The following PALLD variants were observed in gnomAD, a reference collection of about 807,000 sequenced individuals.
The protein encoded by PALLD is palladin.
In PALLD, 61 loss-of-function variants were observed where a neutral mutation model predicts 123.5. That is an observed-to-expected ratio of 0.49 (90% CI 0.40 to 0.61). The LOEUF (loss-of-function observed/expected upper bound fraction) is 0.61. Ranked by LOEUF, PALLD falls within the 20% of genes least tolerant of loss-of-function variation. The pLI, the probability that PALLD is intolerant of heterozygous loss-of-function variation, is 0.00. For missense variants in PALLD, 1,273 were observed against 1,377.0 expected (o/e 0.92, Z 1.20); for synonymous variants, 465 against 496.4 (o/e 0.94, Z 0.84).
chr4:168,735,562 G>A lies in PALLD; in HGVS notation c.1964+23639G>A, dbSNP rs144951074. On this transcript the variant is annotated intron_variant, in intron 10 of 21. Coordinates refer to ENST00000505667, the MANE Select transcript of PALLD (RefSeq NM_001166108.2). Reference sequence around the variant, plus strand: ...CTGAGGCAGAGTGTCAGAAAGAGATGAGAGGGATGGCAAAAACCCATTCAT... The same window carrying A: ...CTGAGGCAGAGTGTCAGAAAGAGATAAGAGGGATGGCAAAAACCCATTCAT... Among the ~76,000 whole-genome samples the A allele has an allele frequency of 8.4e-4, 128 of 152,300 alleles. 1 individual carries two copies. In the East Asian group the frequency reaches 0.019, roughly 23 times the overall value.
chr4:168,759,190 AAAAAAAAAAAAAAT>A (rs1287418531), intron 10 of PALLD, among the ~76,000 whole-genome samples: 8 of 26,440 alleles, frequency 3.0e-4, no homozygotes, highest in Admixed American at 4.0e-4. Context: ...AAAAAAAAAA[AAAAAAAAAAAAAAT>A]ATATATATAT....
At chr4:168,842,976 A>G (rs1417231905) in intron 10 of PALLD, among the ~76,000 whole-genome samples, 1 of 152,246 alleles carries the variant, frequency 6.6e-6, no homozygotes. Context: ...CCAAAAAATG[A>G]TGATAGACGG....
chr4:168,653,249 C>T (rs1361738895), intron 2 of PALLD, among the ~76,000 whole-genome samples: 3 of 152,062 alleles, frequency 2.0e-5, no homozygotes, highest in Admixed American at 6.5e-5. Flanking sequence ...ACTATTTTTA[C>T]GTCCAATTTC....
At chr4:168,578,905 C>G (rs965088928) in intron 2 of PALLD, among the ~76,000 whole-genome samples, 6 of 152,192 alleles carry the variant, frequency 3.9e-5, no homozygotes, top group African/African-American at 1.4e-4. Context: ...GAGGCTCACC[C>G]ATTAACATTT....
At chr4:168,571,106 T>A (rs1483470446) in intron 2 of PALLD, among the ~76,000 whole-genome samples, 1 of 152,160 alleles carries the variant, frequency 6.6e-6, no homozygotes, top group Non-Finnish European at 1.5e-5. Flanking sequence ...TTTAAAACCT[T>A]GCAGTCCATG....
In PALLD at chr4:168,888,005, G is replaced by C. The variant is rs114635829; in HGVS notation, c.1965-2917G>C. 2.4e-4 allele frequency among the ~76,000 whole-genome samples: 37 copies of C among 152,256 alleles called. No homozygotes were observed. In the South Asian group the frequency reaches 7.3e-3, roughly 30 times the overall value. ...ATCAGGAAAACAACTAATGGGACAA[G>C]CTTAGTCAGGGACATCCTTTCCAAG... On this transcript the variant is annotated intron_variant, in intron 10 of 21. Coordinates refer to ENST00000505667, the MANE Select transcript of PALLD (RefSeq NM_001166108.2).
chr4:168,795,685 C>A (rs1738388706), intron 10 of PALLD, among the ~76,000 whole-genome samples: 1 of 150,252 alleles, frequency 6.7e-6, no homozygotes, highest in Non-Finnish European at 1.5e-5. Context: ...TAATCATGAA[C>A]TGCTTTATAT....
At chr4:168,497,668 TA>T (rs892605773) in intron 1 of PALLD, among the ~76,000 whole-genome samples, 1 of 152,220 alleles carries the variant, frequency 6.6e-6, no homozygotes, top group African/African-American at 2.4e-5. Context: ...CAAAAGATTC[TA>T]AAAGTAACTC....
chr4:168,601,063 T>A (rs1772591505), intron 2 of PALLD, among the ~76,000 whole-genome samples: 1 of 151,690 alleles, frequency 6.6e-6, no homozygotes, highest in Non-Finnish European at 1.5e-5. Flanking sequence ...TGTCTCAGTG[T>A]TTTTTCTTCT....
Position 168,520,455 on chromosome 4 carries a change from G to A in PALLD, c.908+8043G>A, listed in dbSNP as rs566556058. 9.9e-5 allele frequency among the ~76,000 whole-genome samples: 15 copies of A among 151,906 alleles called. No homozygotes were observed. In the East Asian group the frequency reaches 1.5e-3, roughly 16 times the overall value. On this transcript the variant is annotated intron_variant, in intron 2 of 21. Coordinates refer to ENST00000505667, the MANE Select transcript of PALLD (RefSeq NM_001166108.2). ...AGTTAACTCATGAAAGGCATGCGAC[G>A]CATTGAGAGGTTTTATCCTCTTTCT...
At chr4:168,872,572 C>A (rs1380520980) in intron 10 of PALLD, among the ~76,000 whole-genome samples, 1 of 152,138 alleles carries the variant, frequency 6.6e-6, no homozygotes, top group African/African-American at 2.4e-5. Flanking sequence ...AGATTTTTAT[C>A]CCTGCCTTCT....
At chr4:168,713,521 A>G (rs1013773664) in intron 10 of PALLD, among the ~76,000 whole-genome samples, 1 of 152,132 alleles carries the variant, frequency 6.6e-6, no homozygotes, top group African/African-American at 2.4e-5. Context: ...ATCACAGGAG[A>G]GCAAATACGA....
chr4:168,662,630 T>A (rs1007795461), intron 2 of PALLD, among the ~76,000 whole-genome samples: 1 of 152,240 alleles, frequency 6.6e-6, no homozygotes, highest in Non-Finnish European at 1.5e-5. Context: ...CCCTAGTATC[T>A]CTTTCCCTAA....
chr4:168,735,413 A>G (rs1205220933), intron 10 of PALLD, among the ~76,000 whole-genome samples: 1 of 152,230 alleles, frequency 6.6e-6, no homozygotes, highest in Admixed American at 6.5e-5. Flanking sequence ...AACAGCTTTA[A>G]GAAAAGAAAA....
chr4:168,747,576 A>AT (rs1197991133), intron 10 of PALLD, among the ~76,000 whole-genome samples: 1 of 152,212 alleles, frequency 6.6e-6, no homozygotes, highest in African/African-American at 2.4e-5. Flanking sequence ...TGCTCACCAT[A>AT]TGTAGAGAAG....
chr4:168,817,334 A>T (rs1326806192), intron 10 of PALLD, among the ~76,000 whole-genome samples: 1 of 152,214 alleles, frequency 6.6e-6, no homozygotes, highest in Non-Finnish European at 1.5e-5. Context: ...AAGATGATGG[A>T]AGTTTCCAAG....
At chr4:168,687,711 T>C (rs1416435547) in intron 6 of PALLD, among the ~76,000 whole-genome samples, 1 of 152,204 alleles carries the variant, frequency 6.6e-6, no homozygotes, top group Non-Finnish European at 1.5e-5. Context: ...AAATACTAAG[T>C]ACAAAATCCT....
At chr4:168,857,881 A>G (rs1178717137) in intron 10 of PALLD, among the ~76,000 whole-genome samples, 1 of 152,228 alleles carries the variant, frequency 6.6e-6, no homozygotes, top group Non-Finnish European at 1.5e-5. Flanking sequence ...AAATATATAG[A>G]AAGCAAAAAT....
intron 10 of PALLD, among the ~76,000 whole-genome samples, chr4:168,765,206 A>G (rs1284438130): frequency 6.6e-6 from 1 of 152,244 alleles, no homozygotes; most frequent in East Asian, 1.9e-4. Context: ...TGCAAAACAT[A>G]CAGCACAATA....
Sources: gnomAD v4.1 joint callset for allele counts (sites outside exome capture counted in the v4.1 genomes callset) on GRCh38, gnomAD v4.1.1 for gene constraint, MANE v1.5 for transcripts, NCBI Gene and HGNC (gene_info 2026-07-23, HGNC 2026-07-21) for gene names.